Variants in DYNC1LI2 observed in about 807,000 individuals in gnomAD.
DYNC1LI2 encodes the protein dynein cytoplasmic 1 light intermediate chain 2, also known as cytoplasmic dynein 1 light intermediate chain 2.
DYNC1LI2 carries 19 observed loss-of-function variants against 57.8 expected under a neutral mutation model. The ratio of observed to expected loss-of-function variants is 0.33; its 90% CI spans 0.23 to 0.48. The LOEUF (loss-of-function observed/expected upper bound fraction) is 0.48, where lower values mean the gene tolerates loss of function less well. Ranked by LOEUF, DYNC1LI2 falls within the 20% of genes least tolerant of loss-of-function variation. DYNC1LI2 has a pLI of 0.99. For synonymous variants in DYNC1LI2, 256 were observed against 233.4 expected, an observed-to-expected ratio of 1.10 and a Z score of -0.88; for missense variants, 470 against 604.2, an observed-to-expected ratio of 0.78 and a Z score of 2.33.
Position 66,730,221 on chromosome 16 carries a change from G to A in DYNC1LI2, c.932C>T (p.Pro311Leu). The A allele has an allele frequency of 6.2e-7, 1 of 1,612,526 alleles. No homozygotes were observed. The highest frequency in any genetic ancestry group is 1.1e-5 in the South Asian group (1 of 90,910). The change falls in exon 8 of 13, where the codon CCT becomes CTT. Residue 311 changes from proline (P) to leucine (L), a missense_variant and splice_region_variant. Coordinates refer to ENST00000258198, the MANE Select transcript of DYNC1LI2 (RefSeq NM_006141.3). ...LVVEKDAVFIPAGWDNEKKIA... is the reference protein window; with the variant it reads ...LVVEKDAVFILAGWDNEKKIA... ...TTTCTTTTCATTGTCCCAGCCTGCA[G>A]GTCTAAAGGCAAAGAGAGAGGGACT...
chr16:66,728,343 TAAC>T (rs901959733), intron 9 of DYNC1LI2, 101 bp from the exon 10 acceptor site: 3 of 1,334,976 alleles, frequency 2.2e-6, no homozygotes, highest in African/African-American at 2.9e-5. Flanking sequence ...AGGGCACTAT[TAAC>T]AACAACTAAG....
chr16:66,748,042 T>G (rs565645232), intron 3 of DYNC1LI2, among the ~76,000 whole-genome samples: 53 of 151,988 alleles, frequency 3.5e-4, no homozygotes, highest in African/African-American at 1.2e-3. Flanking sequence ...ATCCCAGCAC[T>G]TTGAGAGGCT....
At position 66,726,767 on chromosome 16, in the gene DYNC1LI2, G is replaced by A. The variant is rs1034616928; in HGVS notation, c.1262-823C>T. Reference sequence around the variant, plus strand: ...AGCCGTTCTCCTGCCTCTGCCTCCCGAGTAGCTGGGATTACAGGTGCCCAC... The same window carrying A: ...AGCCGTTCTCCTGCCTCTGCCTCCCAAGTAGCTGGGATTACAGGTGCCCAC... On this transcript the variant is annotated intron_variant, in intron 11 of 12. Coordinates refer to ENST00000258198, the MANE Select transcript of DYNC1LI2 (RefSeq NM_006141.3). Among the ~76,000 whole-genome samples the A allele has an allele frequency of 3.9e-5, 6 of 152,106 alleles. No individual in the cohort carries two copies. The South Asian group carries it at 1.2e-3, about 32-fold the overall frequency.
chr16:66,732,465 G>C lies in DYNC1LI2; in HGVS notation c.803C>G (p.Ala268Gly). 1.2e-6 allele frequency: 2 copies of C among 1,611,256 alleles called. No homozygotes were observed. Among genetic ancestry groups the C allele is most frequent in the Non-Finnish European group, 1.7e-6 (2 of 1,179,584 alleles). The change falls in exon 7 of 13, where the codon GCC becomes GGC. Residue 268 changes from alanine (A) to glycine (G), a missense_variant. Ala to Gly is a moderately conservative substitution (Grantham distance 60). Transcript: ENST00000258198. ...TTCTTTCACTGATGTGTAAATCAAG[G>C]CAGCTCCATCTAATCAATCTGCTCA... ...LRRFCLQYGAALIYTSVKEEK... is the reference protein window; with the variant it reads ...LRRFCLQYGAGLIYTSVKEEK...
intron 6 of DYNC1LI2, chr16:66,733,920 C>T (rs184350592): frequency 1.0e-4 from 33 of 324,956 alleles, no homozygotes; most frequent in African/African-American, 5.9e-4. Context: ...CCAGCACTTT[C>T]GGAGGCTGAG....
At chr16:66,739,859 A>C (rs2017805651) in intron 4 of DYNC1LI2, among the ~76,000 whole-genome samples, 1 of 152,248 alleles carries the variant, frequency 6.6e-6, no homozygotes, top group African/African-American at 2.4e-5. Flanking sequence ...GGGTATACAC[A>C]TACTGCAGTG....
chr16:66,736,226 T>C lies in DYNC1LI2; in HGVS notation c.548A>G (p.Asp183Gly). The C allele has an allele frequency of 6.2e-7, 1 of 1,612,604 alleles. No individual in the cohort carries two copies. Among genetic ancestry groups the C allele is most frequent in the African/African-American group, 1.3e-5 (1 of 74,976 alleles). Residue 183 changes from aspartate (D) to glycine (G), a missense_variant, in exon 5 of 13, where the codon GAC becomes GGC. By Grantham distance (94) the Asp-to-Gly change is moderately conservative. Transcript: ENST00000258198. ...LERKFVKDFQ[D>G]YMEPEEGCQG... Reference sequence around the variant, plus strand: ...ACAACCTTCTTCAGGTTCCATATAGTCTTGAAAATCTTTCACAACTGGGGG... The same window carrying C: ...ACAACCTTCTTCAGGTTCCATATAGCCTTGAAAATCTTTCACAACTGGGGG...
intron 7 of DYNC1LI2, chr16:66,731,211 C>T (rs1009662143): frequency 3.3e-5 from 5 of 152,278 alleles, no homozygotes; most frequent in African/African-American, 4.8e-5. Context: ...CAAATCCAAC[C>T]GGTCTCCTTG....
At position 66,725,894 on chromosome 16, in the gene DYNC1LI2, T is replaced by G. The variant is rs768051013; in HGVS notation, c.1312A>C (p.Ser438Arg). The G allele has an allele frequency of 6.2e-7, 1 of 1,614,116 alleles. No individual in the cohort carries two copies. Among genetic ancestry groups the G allele is most frequent in the Non-Finnish European group, 8.5e-7 (1 of 1,180,010 alleles). ...CTTCCAGGAGAGCCTGTCTTTTTAC[T>G]CAACAGACTGTTGAAGAAGCTGGCC... The part of the protein sequence containing the change: ...VLASFFNSLL[S>R]KKTGSPGSPG... The change falls in exon 12 of 13, where the codon AGT becomes CGT. Residue 438 changes from serine to arginine, a missense_variant. By Grantham distance (110) the Ser-to-Arg change is moderately radical. Transcript: ENST00000258198.
chr16:66,742,186 C>T (rs1360975545), intron 4 of DYNC1LI2, among the ~76,000 whole-genome samples: 1 of 152,164 alleles, frequency 6.6e-6, no homozygotes, highest in African/African-American at 2.4e-5. Context: ...GAGGGAAGAA[C>T]TCTTATTTGA....
chr16:66,725,107 G>A (rs556668434), intron 12 of DYNC1LI2, among the ~76,000 whole-genome samples: 3 of 151,240 alleles, frequency 2.0e-5, no homozygotes, highest in Non-Finnish European at 4.4e-5. Context: ...CCGGGTGGTG[G>A]AGGTTGGCAG....
chr16:66,747,259 A>C (rs2017953767), intron 3 of DYNC1LI2, among the ~76,000 whole-genome samples: 1 of 151,446 alleles, frequency 6.6e-6, no homozygotes, highest in Non-Finnish European at 1.5e-5. Context: ...TTGTATTTTT[A>C]CTAGAGACAG....
chr16:66,725,028 G>A (rs2017511270), intron 12 of DYNC1LI2, among the ~76,000 whole-genome samples: 1 of 151,796 alleles, frequency 6.6e-6, no homozygotes, highest in Non-Finnish European at 1.5e-5. Context: ...AAAAAAATTA[G>A]CCGGATGTGG....
intron 12 of DYNC1LI2, 84 bp downstream of exon 12, chr16:66,725,744 G>A: frequency 7.4e-7 from 1 of 1,352,060 alleles, no homozygotes; most frequent in Non-Finnish European, 1.0e-6. Flanking sequence ...GACACTGCAG[G>A]GTCTGCAGGG....
intron 4 of DYNC1LI2, among the ~76,000 whole-genome samples, chr16:66,740,567 G>A (rs1169263155): frequency 6.6e-6 from 1 of 152,120 alleles, no homozygotes; most frequent in African/African-American, 2.4e-5. Flanking sequence ...GCTGCCCTAC[G>A]GTGTCCTCTC....
rs564346267 is a variant in DYNC1LI2, at chr16:66,722,972, C to G, written c.*750G>C. The G allele has an allele frequency of 2.8e-5, 6 of 213,484 alleles. No homozygotes were observed. In the South Asian group the frequency reaches 4.7e-4, roughly 17 times the overall value. 13.2% of individuals were successfully genotyped at this position (213,484 alleles called of 1,614,324 possible). The stretch of plus-strand genomic sequence containing the variant: ...TGCCCCACAACACATATCCGTGGAC[C>G]CCAGTACCTCTCACGAGGACATAGC... On this transcript the variant is annotated 3_prime_UTR_variant, in exon 13 of 13. Transcript: ENST00000258198.
rs1005306575 is a variant in DYNC1LI2 at position 66,751,551 on chromosome 16, G to A, written c.41C>T (p.Pro14Leu). ...VGVEKKLLLG[P>L]NGPAVAAAGD... ...GGCGGCCGCCACCGCGGGCCCGTTG[G>A]GACCTAGCAGCAGCTTCTTCTCCAC... Residue 14 changes from proline to leucine, a missense_variant, in exon 1 of 13, where the codon CCC becomes CTC. Coordinates refer to ENST00000258198, the MANE Select transcript of DYNC1LI2 (RefSeq NM_006141.3). The surrounding 1 kb of genome is among the most constrained non-coding windows in gnomAD (Gnocchi z 5.2). The A allele has an allele frequency of 5.0e-6, 8 of 1,586,272 alleles. No homozygotes were observed. The highest frequency in any genetic ancestry group is 1.4e-5 in the African/African-American group (1 of 71,180).
intron 8 of DYNC1LI2, among the ~76,000 whole-genome samples, chr16:66,729,696 C>T (rs750162524): frequency 6.6e-5 from 10 of 151,834 alleles, no homozygotes; most frequent in Non-Finnish European, 1.2e-4. Context: ...CCTGCCTCAG[C>T]CTCCCAACTG....
Position 66,742,631 on chromosome 16 carries a change from G to A in DYNC1LI2, c.336C>T (p.Asp112=). The A allele has an allele frequency of 1.9e-6, 3 of 1,614,212 alleles. No homozygotes were observed. The highest frequency in any genetic ancestry group is 2.2e-5 in the South Asian group (2 of 91,082). The change falls in exon 4 of 13, where the codon GAC becomes GAT. Residue 112 remains aspartate, a synonymous_variant. Coordinates refer to ENST00000258198, the MANE Select transcript of DYNC1LI2 (RefSeq NM_006141.3). ...TRCNVWILDG[D]LYHKGLLKFA... ...ATTTCAGCAGGCCTTTGTGGTACAA[G>A]TCTCCATCCAGAATCCACACGTTGC...
Sources: gnomAD v4.1 joint callset for allele counts (sites outside exome capture counted in the v4.1 genomes callset) on GRCh38, gnomAD v4.1.1 for gene constraint, Gnocchi (gnomAD v3.1) non-coding constraint, MANE v1.5 for transcripts, NCBI Gene and HGNC (gene_info 2026-07-23, HGNC 2026-07-21) for gene names.